ROBO1: variants seen among roughly 807,000 people sequenced by gnomAD.
ROBO1 encodes roundabout guidance receptor 1, also known as roundabout homolog 1.
In ROBO1, 149 loss-of-function variants were observed where a neutral mutation model predicts 195.9. That is an observed-to-expected ratio of 0.76 (90% confidence interval 0.67 to 0.87). The LOEUF is 0.87. Ranked by LOEUF, ROBO1 falls within the 40% of genes least tolerant of loss-of-function variation. The pLI, the probability that ROBO1 is intolerant of heterozygous loss-of-function variation, is 0.00. For synonymous variants in ROBO1, 816 were observed against 733.2 expected, an observed-to-expected ratio of 1.11 and a Z score of -1.82; for missense variants, 1,933 against 2,068.3, an observed-to-expected ratio of 0.93 and a Z score of 1.27.
chr3:79,081,318 T>C (rs1299169872), intron 3 of ROBO1, among the ~76,000 whole-genome samples: 2 of 152,076 alleles, frequency 1.3e-5, no homozygotes, highest in Non-Finnish European at 2.9e-5. Context: ...ATGGGCATCA[T>C]GACTTTAAAA....
chr3:78,894,272 G>T (rs868469679), intron 4 of ROBO1, among the ~76,000 whole-genome samples: 2 of 152,028 alleles, frequency 1.3e-5, no homozygotes, highest in Admixed American at 6.6e-5. Context: ...CAATTAATGT[G>T]TCATATTTAT....
At chr3:79,459,302 T>C (rs541721433) in intron 2 of ROBO1, among the ~76,000 whole-genome samples, 1 of 152,262 alleles carries the variant, frequency 6.6e-6, no homozygotes, top group Admixed American at 6.5e-5. Context: ...TGACTTGTGG[T>C]CACACAAAAA....
intron 28 of ROBO1, among the ~76,000 whole-genome samples, chr3:78,613,981 A>G (rs1411149643): frequency 6.6e-6 from 1 of 152,198 alleles, no homozygotes; most frequent in East Asian, 1.9e-4. Flanking sequence ...AATTTCCAAC[A>G]AAGCCTGTGG....
intron 3 of ROBO1, among the ~76,000 whole-genome samples, chr3:79,117,384 A>C (rs866777964): frequency 9.2e-5 from 14 of 152,024 alleles, no homozygotes; most frequent in Admixed American, 4.6e-4. Flanking sequence ...CAAAAACAAA[A>C]AAAAAAAGAG....
chr3:79,181,287 C>T (rs2081335639), intron 2 of ROBO1, among the ~76,000 whole-genome samples: 3 of 152,164 alleles, frequency 2.0e-5, no homozygotes, highest in Admixed American at 2.0e-4. Flanking sequence ...TGGTAAGCTA[C>T]CTAATCACAG....
At chr3:79,724,668 C>T (rs887362454) in intron 1 of ROBO1, among the ~76,000 whole-genome samples, 49 of 152,182 alleles carry the variant, frequency 3.2e-4, no homozygotes, top group African/African-American at 7.2e-4. Flanking sequence ...TATGTGTTAG[C>T]TTAAAAGTTG....
chr3:78,943,535 C>A (rs577473401), intron 3 of ROBO1, among the ~76,000 whole-genome samples: 3 of 152,264 alleles, frequency 2.0e-5, no homozygotes, highest in Admixed American at 1.3e-4. Flanking sequence ...ATGGAATATT[C>A]TTTCTTCAGA....
chr3:79,367,514 G>T (rs1435404379), intron 2 of ROBO1, among the ~76,000 whole-genome samples: 1 of 152,224 alleles, frequency 6.6e-6, no homozygotes, highest in African/African-American at 2.4e-5. Context: ...CTGCTTAGAA[G>T]ATCCCCCACA....
chr3:78,714,126 C>T (rs1019724598), intron 8 of ROBO1, among the ~76,000 whole-genome samples: 13 of 152,150 alleles, frequency 8.5e-5, no homozygotes, highest in African/African-American at 3.1e-4. Context: ...CATTCTTCGC[C>T]TCTACTTGAC....
chr3:78,939,450 TA>T (rs772177770), intron 3 of ROBO1, among the ~76,000 whole-genome samples: 5,635 of 129,074 alleles, frequency 0.044, 175 homozygotes, highest in African/African-American at 0.099. Context: ...CCGTCTCTAC[TA>T]AAAAAAAAAA....
chr3:79,303,531 ATAT>A (rs925090740), intron 2 of ROBO1, among the ~76,000 whole-genome samples: 2 of 152,058 alleles, frequency 1.3e-5, no homozygotes, highest in Admixed American at 1.3e-4. Context: ...AGAATACAAT[ATAT>A]TATTATTAAT....
At chr3:79,188,294 TTTGA>T (rs1297278843) in intron 2 of ROBO1, among the ~76,000 whole-genome samples, 2 of 152,052 alleles carry the variant, frequency 1.3e-5, no homozygotes, top group South Asian at 4.1e-4. Context: ...CTGTTGCTTC[TTTGA>T]TTGACTGCAT....
intron 2 of ROBO1, among the ~76,000 whole-genome samples, chr3:79,243,235 G>C (rs1366763720): frequency 6.6e-6 from 1 of 151,988 alleles, no homozygotes; most frequent in East Asian, 1.9e-4. Context: ...GTCTATCATT[G>C]TTGGACATTT....
intron 2 of ROBO1, among the ~76,000 whole-genome samples, chr3:79,570,671 T>TACAGGATAATAA (rs1164485334): frequency 6.6e-6 from 1 of 152,200 alleles, no homozygotes; most frequent in Admixed American, 6.5e-5. Context: ...GAAATGTGAT[T>TACAGGATAATAA]ACAGGATAAT....
intron 3 of ROBO1, among the ~76,000 whole-genome samples, chr3:79,106,542 A>G (rs527375646): frequency 3.3e-5 from 5 of 151,772 alleles, no homozygotes; most frequent in African/African-American, 1.2e-4. Flanking sequence ...TAATATAAAT[A>G]AACAATTGAC....
intron 8 of ROBO1, among the ~76,000 whole-genome samples, chr3:78,707,027 C>A (rs1477699089): frequency 1.3e-5 from 2 of 152,168 alleles, no homozygotes; most frequent in Non-Finnish European, 2.9e-5. Context: ...ATGCTTACAG[C>A]CTGAGTTAGC....
At chr3:79,757,040 A>G (rs6802127) in intron 1 of ROBO1, among the ~76,000 whole-genome samples, 114,557 of 151,570 alleles carry the variant, frequency 0.76, 43,871 homozygotes, top group Middle Eastern at 0.87. Context: ...ATAATAGATC[A>G]TTGTTTGTTT....
chr3:79,417,411 A>C (rs2106908552), intron 2 of ROBO1, among the ~76,000 whole-genome samples: 1 of 152,246 alleles, frequency 6.6e-6, no homozygotes, highest in East Asian at 1.9e-4. Flanking sequence ...GACCTGGCTT[A>C]CAGCTTGACC....
chr3:79,661,357 A>G (rs1354205985), intron 1 of ROBO1, among the ~76,000 whole-genome samples: 1 of 152,066 alleles, frequency 6.6e-6, no homozygotes, highest in Non-Finnish European at 1.5e-5. Context: ...ATTCTGACTC[A>G]GGGTCAGCTT....
Sources: allele counts gnomAD v4.1 joint callset (sites outside exome capture counted in the v4.1 genomes callset), GRCh38; gene constraint gnomAD v4.1.1; transcripts MANE v1.5; gene names NCBI Gene and HGNC (gene_info 2026-07-23, HGNC 2026-07-21).